The following TST variants were observed in gnomAD, a reference collection of about 807,000 sequenced individuals.
TST encodes the protein epididymis secretory sperm binding protein.
TST carries 22 observed loss-of-function variants against 20.4 expected under a neutral mutation model. The observed-to-expected ratio is 1.08, with a 90% CI of 0.77 to 1.54. TST has a LOEUF of 1.54. Ranked by LOEUF, TST falls within the 40% of genes most tolerant of loss-of-function variation. The pLI is 0.00. For synonymous variants in TST, 187 were observed against 173.8 expected, an observed-to-expected ratio of 1.08 and a Z score of -0.60; for missense variants, 392 against 405.2, an observed-to-expected ratio of 0.97 and a Z score of 0.28.
rs1285906718 is a variant in TST, at chr22:37,018,609, G to T, written c.124C>A (p.Arg42=). Residue 42 remains arginine (R), a synonymous_variant, in exon 2 of 3, where the codon CGA becomes AGA. Coordinates refer to ENST00000249042, the MANE Select transcript of TST (RefSeq NM_003312.6). ...LDASWYSPGT[R]EARKEYLERH... is the part of the protein sequence containing the mutation. ...TCGAGGTACTCCTTGCGGGCCTCTC[G>T]GGTGCCTGGTGAGTACCAGGACGCG... 4 of 1,568,042 alleles carry T rather than the reference G, an allele frequency of 2.6e-6. No homozygotes were observed. Among genetic ancestry groups the T allele is most frequent in the Non-Finnish European group, 3.5e-6 (4 of 1,157,010 alleles).
rs574103405 is a variant in TST, at chr22:37,013,057, A to G, written c.596-1732T>C. 3.2e-3 allele frequency among the ~76,000 whole-genome samples: 482 copies of G among 151,940 alleles called. 11 individuals are homozygous for G. Among genetic ancestry groups the G allele is most frequent in the Non-Finnish European group, 9.3e-4 (63 of 67,948 alleles). On this transcript the variant is annotated intron_variant, in intron 2 of 2. Coordinates refer to ENST00000249042, the MANE Select transcript of TST (RefSeq NM_003312.6). ...GACTCCGTCTCAAAGAAAAAAAAAAAGTAAACCTCACCCACCTCACAGGTG... is the reference window on the plus strand; with the variant it reads ...GACTCCGTCTCAAAGAAAAAAAAAAGGTAAACCTCACCCACCTCACAGGTG...
intron 2 of TST, among the ~76,000 whole-genome samples, chr22:37,017,094 G>A (rs1922707691): frequency 6.6e-6 from 1 of 152,240 alleles, no homozygotes; most frequent in African/African-American, 2.4e-5. Flanking sequence ...CCAAGGAGGT[G>A]CCCAGAGACA....
intron 2 of TST, among the ~76,000 whole-genome samples, chr22:37,015,866 G>A (rs913433607): frequency 2.6e-5 from 4 of 151,728 alleles, no homozygotes; most frequent in Non-Finnish European, 2.9e-5. Context: ...GGTTGGGGGG[G>A]AAGTGCCACA....
chr22:37,014,389 A>G (rs897914517), intron 2 of TST, among the ~76,000 whole-genome samples: 4 of 152,060 alleles, frequency 2.6e-5, no homozygotes, highest in African/African-American at 7.2e-5. Context: ...ACAAACAAAC[A>G]AAAAGAACAG....
rs1484567217 is a variant in TST at position 37,019,422 on chromosome 22, G to C, written c.-44C>G. The stretch of plus-strand genomic sequence containing the variant: ...CACTCGCCCCGGACGCCGCGCTGGC[G>C]CTCGCCCCGGCCGGCTGGAGAAGTT... On this transcript the variant is annotated 5_prime_UTR_variant, in exon 1 of 3. Coordinates refer to ENST00000249042, the MANE Select transcript of TST (RefSeq NM_003312.6). 2.0e-5 allele frequency: 3 copies of C among 151,524 alleles called. No homozygotes were observed. The highest frequency in any genetic ancestry group is 7.3e-5 in the African/African-American group (3 of 41,336). 9.4% of individuals were successfully genotyped at this position (151,524 alleles called of 1,614,324 possible).
At chr22:37,018,914 T>G in intron 1 of TST, 161 bp from the exon 2 acceptor site, 1 of 513,298 alleles carries the variant, frequency 1.9e-6, no homozygotes, top group Non-Finnish European at 3.2e-6. Flanking sequence ...GGGATAAGTT[T>G]GCAGATTCCC....
intron 1 of TST, chr22:37,019,028 C>G: frequency 2.9e-6 from 1 of 340,240 alleles, no homozygotes; most frequent in African/African-American, 2.1e-5. Context: ...CTTCCTGGGG[C>G]GGGGATCTGG....
At chr22:37,017,676 GA>G (rs1405740344) in intron 2 of TST, among the ~76,000 whole-genome samples, 1 of 152,202 alleles carries the variant, frequency 6.6e-6, no homozygotes, top group African/African-American at 2.4e-5. Context: ...GATTTGGGGA[GA>G]GGGGGATCCT....
intron 2 of TST, among the ~76,000 whole-genome samples, chr22:37,015,961 T>TTTTTC (rs1922664263): frequency 7.6e-6 from 1 of 131,394 alleles, no homozygotes; most frequent in African/African-American, 2.8e-5. Context: ...TTTTTTTTTT[T>TTTTTC]GAGACAGAGT....
chr22:37,012,337 C>T (rs1922509041), intron 2 of TST, among the ~76,000 whole-genome samples: 1 of 152,182 alleles, frequency 6.6e-6, no homozygotes, highest in Non-Finnish European at 1.5e-5. Context: ...GGGCCCTCGG[C>T]CAAATCTGGC....
rs746619165 is a variant in TST, at chr22:37,018,159, C to A, written c.574G>T (p.Glu192Ter). 1 of 1,563,244 alleles carries A rather than the reference C, an allele frequency of 6.4e-7. No individual in the cohort carries two copies. The highest frequency in any genetic ancestry group is 8.7e-7 in the Non-Finnish European group (1 of 1,152,484). The change falls in exon 2 of 3, where the codon GAG becomes TAG. Residue 192 changes from glutamate (E) to a stop codon, truncating the protein, a stop_gained. Coordinates refer to ENST00000249042, the MANE Select transcript of TST (RefSeq NM_003312.6). LOFTEE classifies it high-confidence loss of function. ...CTACCTACTGCATCCGGCTCCGGCT[C>A]GGTGCCCAGGAACCGCCCTTGAGAC... ...SRSQGRFLGTEPEPDAVGLDS... is the reference protein window; with the variant it reads ...SRSQGRFLGT
At chr22:37,015,935 CTTTTTTTT>C (rs1000783141) in intron 2 of TST, among the ~76,000 whole-genome samples, 1 of 73,868 alleles carries the variant, frequency 1.4e-5, no homozygotes. Context: ...GCCACTGCTA[CTTTTTTTT>C]TTTTTTTTTT....
chr22:37,014,499 G>C (rs1922603598), intron 2 of TST, among the ~76,000 whole-genome samples: 5 of 152,228 alleles, frequency 3.3e-5, no homozygotes, highest in Admixed American at 3.3e-4. Flanking sequence ...CCCCCAGCAG[G>C]CATGCCCCCA....
intron 2 of TST, among the ~76,000 whole-genome samples, chr22:37,014,178 C>T (rs899267470): frequency 6.6e-6 from 1 of 152,088 alleles, no homozygotes; most frequent in African/African-American, 2.4e-5. Flanking sequence ...CTGGCTAACA[C>T]GGTGAAACCC....
At chr22:37,018,974 GA>G in intron 1 of TST, 2 of 438,538 alleles carry the variant, frequency 4.6e-6, no homozygotes, top group Admixed American at 3.9e-5. Flanking sequence ...GCCCAGCGCA[GA>G]AGCGGGTGGG....
intron 2 of TST, among the ~76,000 whole-genome samples, chr22:37,012,791 G>A (rs1306823047): frequency 4.6e-5 from 7 of 152,186 alleles, no homozygotes; most frequent in Non-Finnish European, 8.8e-5. Flanking sequence ...CACGCCTGTA[G>A]TCCCAGCACT....
Position 37,011,191 on chromosome 22 carries a change from G to A in TST, c.730C>T (p.Leu244Phe). ...QTKKVDLSQP[L>F]IATCRKGVTA... ...ACTCCCTTGCGGCACGTGGCAATGA[G>A]AGGCTGCGAGAGATCCACCTTCTTG... The change falls in exon 3 of 3, where the codon CTC becomes TTC. Residue 244 changes from leucine (L) to phenylalanine (F), a missense_variant. Coordinates refer to ENST00000249042, the MANE Select transcript of TST (RefSeq NM_003312.6). 2.5e-6 allele frequency: 4 copies of A among 1,613,840 alleles called. No individual in the cohort carries two copies. Among genetic ancestry groups the A allele is most frequent in the Admixed American group, 3.3e-5 (2 of 60,016 alleles).
chr22:37,020,008 G>A, upstream of TST: 1 of 445,666 alleles, frequency 2.2e-6, no homozygotes, highest in Non-Finnish European at 3.7e-6. Context: ...GCGCCGCTAC[G>A]TTGGCACTAA....
chr22:37,013,098 C>G (rs960275742), intron 2 of TST: 1 of 152,056 alleles, frequency 6.6e-6, no homozygotes, highest in African/African-American at 2.4e-5. Context: ...GGAAGTCTAA[C>G]TACTGCAGCT....
Sources: gnomAD v4.1 joint callset for allele counts (sites outside exome capture counted in the v4.1 genomes callset) on GRCh38, gnomAD v4.1.1 for gene constraint, MANE v1.5 for transcripts, NCBI Gene and HGNC (gene_info 2026-07-23, HGNC 2026-07-21) for gene names.